The following SKAP1 variants were observed in gnomAD, a reference collection of about 807,000 sequenced individuals.
SKAP1 encodes the protein src kinase associated phosphoprotein 1.
In SKAP1, 44 loss-of-function variants were observed where a neutral mutation model predicts 58.5. That is an observed-to-expected ratio of 0.75 (90% CI 0.59 to 0.97). The LOEUF (loss-of-function observed/expected upper bound fraction) is 0.97. SKAP1 is among the 50% of genes least tolerant of loss of function. The probability of loss-of-function intolerance (pLI) is 0.00; values close to 1 mark genes in which losing one functional copy is unlikely to be tolerated. For missense variants in SKAP1, 390 were observed against 435.2 expected (o/e 0.90, Z 0.92); for synonymous variants, 127 against 149.7 (o/e 0.85, Z 1.11).
At chr17:48,245,604 G>A (rs2060876) in intron 4 of SKAP1, among the ~76,000 whole-genome samples, 80,633 of 152,006 alleles carry the variant, frequency 0.53, 23,160 homozygotes, top group East Asian at 0.77. Context: ...TTGAATTCCA[G>A]CTCTGACACT....
chr17:48,155,913 A>C (rs1197666214), intron 11 of SKAP1, among the ~76,000 whole-genome samples: 1 of 152,218 alleles, frequency 6.6e-6, no homozygotes, highest in African/African-American at 2.4e-5. Context: ...AGGGTCTTGC[A>C]ATCTGCAGAT....
chr17:48,403,074 A>G (rs1466827207), intron 1 of SKAP1, among the ~76,000 whole-genome samples: 1 of 152,116 alleles, frequency 6.6e-6, no homozygotes, highest in Non-Finnish European at 1.5e-5. Context: ...TTATATCTCA[A>G]TGAAGCTGTT....
intron 4 of SKAP1, among the ~76,000 whole-genome samples, chr17:48,212,845 G>A (rs2064890260): frequency 6.6e-6 from 1 of 152,178 alleles, no homozygotes; most frequent in South Asian, 2.1e-4. Flanking sequence ...GTTAGATAGA[G>A]AAACATGGTG....
intron 4 of SKAP1, among the ~76,000 whole-genome samples, chr17:48,298,679 T>C (rs2066015085): frequency 6.6e-6 from 1 of 152,190 alleles, no homozygotes; most frequent in African/African-American, 2.4e-5. Flanking sequence ...CATGAGATCC[T>C]GTTTTCATGA....
At chr17:48,392,881 T>A (rs867959539) in intron 2 of SKAP1, among the ~76,000 whole-genome samples, 24 of 151,386 alleles carry the variant, frequency 1.6e-4, no homozygotes, top group East Asian at 9.7e-4. Flanking sequence ...ATATATATTT[T>A]TTTTTTCTTT....
At chr17:48,414,641 C>CTGGGA (rs1233362277) in intron 1 of SKAP1, among the ~76,000 whole-genome samples, 1 of 152,108 alleles carries the variant, frequency 6.6e-6, no homozygotes, top group Non-Finnish European at 1.5e-5. Flanking sequence ...TTCCAGGTAG[C>CTGGGA]TTATAGGTAT....
At chr17:48,416,130 T>C (rs1238036134) in intron 1 of SKAP1, among the ~76,000 whole-genome samples, 2 of 152,232 alleles carry the variant, frequency 1.3e-5, no homozygotes, top group African/African-American at 4.8e-5. Flanking sequence ...GAAAATAATC[T>C]ATGTATTGAC....
intron 3 of SKAP1, among the ~76,000 whole-genome samples, chr17:48,356,276 A>G (rs949408035): frequency 6.6e-6 from 1 of 152,160 alleles, no homozygotes; most frequent in African/African-American, 2.4e-5. Context: ...AAATAAATAA[A>G]TAAATAAATA....
chr17:48,353,661 C>T (rs564047984), intron 3 of SKAP1, among the ~76,000 whole-genome samples: 1 of 151,942 alleles, frequency 6.6e-6, no homozygotes, highest in South Asian at 2.1e-4. Flanking sequence ...TTTGGGAGGC[C>T]GAGGCAGGTG....
chr17:48,217,136 C>T (rs16953925), intron 4 of SKAP1, among the ~76,000 whole-genome samples: 21,237 of 152,148 alleles, frequency 0.14, 2,044 homozygotes, highest in Non-Finnish European at 0.2. Context: ...GTATTGACTT[C>T]TTCATACTGA....
At chr17:48,175,381 A>G (rs928234340) in intron 9 of SKAP1, among the ~76,000 whole-genome samples, 1 of 152,230 alleles carries the variant, frequency 6.6e-6, no homozygotes, top group Non-Finnish European at 1.5e-5. Flanking sequence ...GGGGACATGC[A>G]GAAAAGTAGA....
chr17:48,291,754 G>A (rs966332805), intron 4 of SKAP1, among the ~76,000 whole-genome samples: 2 of 152,054 alleles, frequency 1.3e-5, no homozygotes, highest in Non-Finnish European at 2.9e-5. Context: ...TGGGTAATGC[G>A]CTAAAACAAG....
At chr17:48,365,751 C>T (rs1318849249) in intron 2 of SKAP1, among the ~76,000 whole-genome samples, 1 of 151,446 alleles carries the variant, frequency 6.6e-6, no homozygotes, top group Non-Finnish European at 1.5e-5. Flanking sequence ...TCATTTTGAC[C>T]TCTCAGGAGT....
chr17:48,272,355 C>T (rs968499591), intron 4 of SKAP1, among the ~76,000 whole-genome samples: 3 of 151,854 alleles, frequency 2.0e-5, no homozygotes, highest in African/African-American at 7.3e-5. Flanking sequence ...TGCTCTCGAA[C>T]TCCTGACCTC....
At chr17:48,171,734 A>AGAGTGT (rs149868073) in intron 9 of SKAP1, among the ~76,000 whole-genome samples, 3 of 148,990 alleles carry the variant, frequency 2.0e-5, no homozygotes, top group Non-Finnish European at 3.0e-5. Flanking sequence ...AGGATGTTAG[A>AGAGTGT]GTGTGTGTGT....
intron 7 of SKAP1, 137 bp downstream of exon 7, chr17:48,184,586 A>C: frequency 9.2e-7 from 1 of 1,091,248 alleles, no homozygotes; most frequent in Admixed American, 1.8e-5. Context: ...ACATGCCAAG[A>C]AATAGGGTCT....
chr17:48,140,578 C>T (rs1350726086), intron 11 of SKAP1, among the ~76,000 whole-genome samples: 1 of 152,112 alleles, frequency 6.6e-6, no homozygotes, highest in South Asian at 2.1e-4. Flanking sequence ...GTGCATTCCA[C>T]CAAGCTGTTC....
chr17:48,208,491 C>T (rs1479250890), intron 4 of SKAP1, among the ~76,000 whole-genome samples: 4 of 152,174 alleles, frequency 2.6e-5, no homozygotes, highest in Non-Finnish European at 5.9e-5. Flanking sequence ...TTTACTGTTA[C>T]TCAGTTTTCT....
chr17:48,322,743 C>T (rs565942639), intron 4 of SKAP1, among the ~76,000 whole-genome samples: 2 of 152,316 alleles, frequency 1.3e-5, no homozygotes, highest in South Asian at 4.1e-4. Context: ...AAAACCTGCC[C>T]TCTGCACTTT....
Sources: allele counts gnomAD v4.1 joint callset (sites outside exome capture counted in the v4.1 genomes callset), GRCh38; gene constraint gnomAD v4.1.1; transcripts MANE v1.5; gene names NCBI Gene and HGNC (gene_info 2026-07-23, HGNC 2026-07-21).